The following WDR44 variants were observed in gnomAD, a reference collection of about 807,000 sequenced individuals.
WDR44 encodes the protein WD repeat-containing protein 44.
In WDR44, 9 loss-of-function variants were observed where a neutral mutation model predicts 65.7. The observed-to-expected ratio is 0.14, with a 90% CI of 0.08 to 0.24. The LOEUF is 0.24. Among genes scored for constraint, WDR44 ranks in the 10% least tolerant of loss-of-function variants. The pLI is 1.00. For missense variants in WDR44, 425 were observed against 670.9 expected, an observed-to-expected ratio of 0.63 and a Z score of 4.05; for synonymous variants, 220 against 235.2, an observed-to-expected ratio of 0.94 and a Z score of 0.59.
At chrX:118,349,651 G>A (rs1055533196) in intron 1 of WDR44, among the ~76,000 whole-genome samples, 1 of 109,236 alleles carries the variant, frequency 9.2e-6, no homozygotes, top group Non-Finnish European at 1.9e-5. Flanking sequence ...TTCGCCTCCC[G>A]GGTTCAAGAG....
At chrX:118,428,989 A>C (rs775647831) in intron 12 of WDR44, among the ~76,000 whole-genome samples, 1 of 110,825 alleles carries the variant, frequency 9.0e-6, no homozygotes, top group African/African-American at 3.3e-5. Flanking sequence ...ACTTATAAGT[A>C]GGAGCTGAAC....
intron 1 of WDR44, among the ~76,000 whole-genome samples, chrX:118,377,809 C>A (rs779246245): frequency 8.7e-5 from 9 of 103,810 alleles, no homozygotes; most frequent in Non-Finnish European, 9.7e-5. Context: ...CTCACTGCAT[C>A]CTTGAATTCC....
At chrX:118,404,479 A>C (rs1296779673) in intron 9 of WDR44, 35 bp downstream of exon 9, 2 of 1,038,353 alleles carry the variant, frequency 1.9e-6, no homozygotes, top group Admixed American at 2.8e-5. Context: ...CTAAACATTC[A>C]ATTAATTTGT....
intron 1 of WDR44, among the ~76,000 whole-genome samples, chrX:118,364,903 A>G (rs993472776): frequency 8.9e-6 from 1 of 112,448 alleles, no homozygotes; most frequent in African/African-American, 3.2e-5. Context: ...GTTCTGCTGC[A>G]TAATGCTTCA....
chrX:118,395,280 T>C lies in WDR44; in HGVS notation c.989T>C (p.Val330Ala). 1 of 1,211,151 alleles carries C rather than the reference T, an allele frequency of 8.3e-7. No individual in the cohort carries two copies. The highest frequency in any genetic ancestry group is 1.1e-6 in the Non-Finnish European group (1 of 895,038). The change falls in exon 6 of 20, where the codon GTA becomes GCA. Residue 330 changes from valine to alanine, a missense_variant. Physicochemically the swap from Val to Ala is moderately conservative, Grantham distance 64. Coordinates refer to ENST00000254029, the MANE Select transcript of WDR44 (RefSeq NM_019045.5). The part of the protein sequence containing the change: ...ENGKAPDGQT[V>A]AGEVMGPQRP... ...GGAAAAGCACCTGATGGGCAGACTG[T>C]AGCAGGTGAAGTGATGGGCCCTCAG...
chrX:118,371,312 C>T (rs1189316920), intron 1 of WDR44, among the ~76,000 whole-genome samples: 2 of 111,102 alleles, frequency 1.8e-5, no homozygotes, highest in Non-Finnish European at 3.8e-5. Flanking sequence ...TAGGGAGCAG[C>T]TGAGGAATGG....
intron 14 of WDR44, 109 bp from the exon 15 acceptor site, chrX:118,441,259 C>T: frequency 1.2e-6 from 1 of 802,790 alleles, no homozygotes. Flanking sequence ...GCACCTGGCC[C>T]TGAAATCTAC....
At chrX:118,430,313 G>A (rs1046456679) in intron 12 of WDR44, among the ~76,000 whole-genome samples, 1 of 108,169 alleles carries the variant, frequency 9.2e-6, no homozygotes, top group African/African-American at 3.4e-5. Flanking sequence ...GGAGGCCGAG[G>A]CTGGTGGATC....
chrX:118,402,435 C>CAAAAAAAAAAAAAAAAAAAA (rs758497932), intron 8 of WDR44, among the ~76,000 whole-genome samples: 1 of 14,424 alleles, frequency 6.9e-5, no homozygotes. Context: ...AACTCTGTCT[C>CAAAAAAAAAAAAAAAAAAAA]AAAAAAAAAA....
At position 118,352,346 on chromosome X, in the gene WDR44, ATATATATTTTTTTT is replaced by A. The variant is rs1486614269; in HGVS notation, c.77+5768_77+5781del. ...TATATATATATATATATATATATATATATATATTTTTTTTTTTTTTTTTTTTTGTAGAGATGGGG... is the reference window on the plus strand; with the variant it reads ...TATATATATATATATATATATATATATTTTTTTTTTTTTGTAGAGATGGGG... On this transcript the variant is annotated intron_variant, in intron 1 of 19. Coordinates refer to ENST00000254029, the MANE Select transcript of WDR44 (RefSeq NM_019045.5). 1.8e-3 allele frequency among the ~76,000 whole-genome samples: 40 copies of A among 22,740 alleles called. No homozygotes were observed. In the East Asian group the frequency reaches 0.038, roughly 22 times the overall value. 19.7% of individuals were successfully genotyped at this position (22,740 alleles called of 115,157 possible).
At position 118,407,034 on chromosome X, in the gene WDR44, A is replaced by G; in HGVS notation, c.1533+8A>G. The G allele has an allele frequency of 8.4e-7, 1 of 1,194,068 alleles. No homozygotes were observed. Among genetic ancestry groups the G allele is most frequent in the Non-Finnish European group, 1.1e-6 (1 of 887,698 alleles). On this transcript the variant is annotated splice_region_variant and intron_variant, in intron 10 of 19. Coordinates refer to ENST00000254029, the MANE Select transcript of WDR44 (RefSeq NM_019045.5). ...CTTAGTGGTGAACATATGGTAAGCA[A>G]CTTTTTCATTTTTTAGGATTGATAC... is the stretch of plus-strand genomic sequence containing the variant.
chrX:118,437,262 G>A (rs759702365), intron 14 of WDR44, among the ~76,000 whole-genome samples: 2 of 111,758 alleles, frequency 1.8e-5, no homozygotes, highest in South Asian at 7.4e-4. Flanking sequence ...TGTTAGTCTT[G>A]ATATCCCTTC....
Position 118,392,737 on chromosome X carries a change from A to G in WDR44, c.292A>G (p.Ile98Val), listed in dbSNP as rs762270461. 3.3e-6 allele frequency: 4 copies of G among 1,212,043 alleles called. No homozygotes were observed. The highest frequency in any genetic ancestry group is 3.5e-5 in the South Asian group (2 of 57,002). The change falls in exon 4 of 20, where the codon ATT becomes GTT. Residue 98 changes from isoleucine to valine, a missense_variant. Coordinates refer to ENST00000254029, the MANE Select transcript of WDR44 (RefSeq NM_019045.5). Reference sequence around the variant, plus strand: ...CTCTGATCAAGCTACTGCCAGTCCTATTGTGGCTAGAACAGATCTGAGCAA... The same window carrying G: ...CTCTGATCAAGCTACTGCCAGTCCTGTTGTGGCTAGAACAGATCTGAGCAA... ...ELSDQATASP[I>V]VARTDLSNIP...
chrX:118,442,069 T>C (rs2057308721), intron 15 of WDR44, among the ~76,000 whole-genome samples, 175 bp from the exon 16 acceptor site: 1 of 111,752 alleles, frequency 8.9e-6, no homozygotes, highest in Non-Finnish European at 1.9e-5. Flanking sequence ...AGAGACAAAG[T>C]CTCATTCTGT....
At chrX:118,380,145 A>T (rs1424604771) in intron 2 of WDR44, among the ~76,000 whole-genome samples, 12 of 112,012 alleles carry the variant, frequency 1.1e-4, no homozygotes, top group African/African-American at 3.6e-4. Context: ...AAATAATTAT[A>T]GATTCACAGG....
intron 12 of WDR44, among the ~76,000 whole-genome samples, chrX:118,424,347 ATG>A (rs1283937753): frequency 0.01 from 908 of 86,550 alleles, 27 homozygotes; most frequent in East Asian, 0.097. Context: ...ATATATATAT[ATG>A]TATATATATA....
chrX:118,428,838 G>A (rs1234126348), intron 12 of WDR44, among the ~76,000 whole-genome samples: 2 of 112,420 alleles, frequency 1.8e-5, no homozygotes, highest in East Asian at 2.8e-4. Flanking sequence ...TAAAGAAAAT[G>A]TGGTACATAT....
At chrX:118,366,154 C>T (rs1212523378) in intron 1 of WDR44, among the ~76,000 whole-genome samples, 1 of 111,634 alleles carries the variant, frequency 9.0e-6, no homozygotes, top group Non-Finnish European at 1.9e-5. Flanking sequence ...GTTTGACTAT[C>T]AGTAATCTTA....
chrX:118,369,624 A>G (rs1404740934), intron 1 of WDR44, among the ~76,000 whole-genome samples: 3 of 104,162 alleles, frequency 2.9e-5, no homozygotes, highest in Non-Finnish European at 5.8e-5. Context: ...GCCCACCACC[A>G]CGCCTGACTA....
Sources: gnomAD v4.1 joint callset for allele counts (sites outside exome capture counted in the v4.1 genomes callset) on GRCh38, gnomAD v4.1.1 for gene constraint, MANE v1.5 for transcripts, NCBI Gene and HGNC (gene_info 2026-07-23, HGNC 2026-07-21) for gene names.